SLC45A4: variants seen among roughly 807,000 people sequenced by gnomAD.
SLC45A4 encodes polyamine-transporter SLC45A4.
A neutral mutation model predicts 63.7 loss-of-function variants in SLC45A4; 32 were observed. The ratio of observed to expected loss-of-function variants is 0.50; its 90% CI spans 0.38 to 0.67. SLC45A4 has a LOEUF of 0.67. SLC45A4 is among the 30% of genes least tolerant of loss of function. The pLI is 0.00. For synonymous variants in SLC45A4, 535 were observed against 510.0 expected (o/e 1.05, Z -0.66); for missense variants, 1,027 against 1,157.7 (o/e 0.89, Z 1.64).
At chr8:141,286,721 T>G (rs1830159139) in intron 1 of SLC45A4, among the ~76,000 whole-genome samples, 1 of 150,682 alleles carries the variant, frequency 6.6e-6, no homozygotes, top group Non-Finnish European at 1.5e-5. Flanking sequence ...TGTTCGCTTA[T>G]CAGCAGCAGC....
chr8:141,273,729 G>A (rs1052868007), intron 1 of SLC45A4, among the ~76,000 whole-genome samples: 2 of 151,932 alleles, frequency 1.3e-5, no homozygotes, highest in African/African-American at 2.4e-5. Flanking sequence ...AAATCAAAGC[G>A]GTTTCCAGGT....
intron 1 of SLC45A4, among the ~76,000 whole-genome samples, chr8:141,291,709 A>C (rs1392086837): frequency 6.6e-6 from 1 of 152,214 alleles, no homozygotes; most frequent in Non-Finnish European, 1.5e-5. Context: ...TCAGGCGAGC[A>C]GTGGTGTCTG....
chr8:141,219,909 G>T, intron 3 of SLC45A4, 80 bp from the exon 4 acceptor site: 1 of 1,364,996 alleles, frequency 7.3e-7, no homozygotes, highest in Non-Finnish European at 9.8e-7. Context: ...CCACATGGAA[G>T]GGGCATGCGG....
intron 1 of SLC45A4, among the ~76,000 whole-genome samples, chr8:141,288,987 G>T (rs1031541555): frequency 6.9e-6 from 1 of 144,254 alleles, no homozygotes; most frequent in African/African-American, 2.4e-5. Context: ...GGCGTGGGTG[G>T]GAAAAGAGGT....
chr8:141,220,638 C>CT (rs769211700), intron 3 of SLC45A4, among the ~76,000 whole-genome samples: 4 of 152,262 alleles, frequency 2.6e-5, no homozygotes, highest in African/African-American at 7.2e-5. Context: ...AACACAGACA[C>CT]ACCTGTCCGT....
At chr8:141,242,621 T>C (rs1308240116) in intron 2 of SLC45A4, among the ~76,000 whole-genome samples, 1 of 152,178 alleles carries the variant, frequency 6.6e-6, no homozygotes, top group Non-Finnish European at 1.5e-5. Flanking sequence ...GGTACATCGG[T>C]GAGTGCCCCA....
At position 141,218,575 on chromosome 8, in the gene SLC45A4, C is replaced by T. The variant is rs762943516; in HGVS notation, c.1065G>A (p.Lys355=). The T allele has an allele frequency of 8.1e-6, 13 of 1,613,542 alleles. No homozygotes were observed. The highest frequency in any genetic ancestry group is 1.1e-5 in the Non-Finnish European group (13 of 1,179,930). ...RSTSQELAKT[K]LPRLATFLKE... The stretch of plus-strand genomic sequence containing the variant: ...TGAGGAAGGTGGCCAGGCGGGGCAG[C>T]TTGGTCTTGGCGAGCTCCTGGCTGG... The change falls in exon 5 of 9, where the codon AAG becomes AAA. Residue 355 remains lysine (K), a synonymous_variant. Coordinates refer to ENST00000517878, the MANE Select transcript of SLC45A4 (RefSeq NM_001286646.2).
intron 2 of SLC45A4, among the ~76,000 whole-genome samples, chr8:141,240,027 C>G (rs973352011): frequency 6.6e-6 from 1 of 152,220 alleles, no homozygotes; most frequent in Non-Finnish European, 1.5e-5. Flanking sequence ...CCAGCTACAA[C>G]AAACCGTATC....
Position 141,207,217 on chromosome 8 carries a change from A to C in SLC45A4, c.*4355T>G, listed in dbSNP as rs1466562367. 6.6e-6 allele frequency: 1 copy of C among 152,488 alleles called. No homozygotes were observed. Among genetic ancestry groups the C allele is most frequent in the African/African-American group, 2.4e-5 (1 of 41,464 alleles). The allele number at this position is 152,488 out of a possible 1,614,324, so 9.4% of individuals were successfully genotyped here. On this transcript the variant is annotated 3_prime_UTR_variant, in exon 9 of 9. Coordinates refer to ENST00000517878, the MANE Select transcript of SLC45A4 (RefSeq NM_001286646.2). ...TGAGTCAGCCACAGAGGAACAGAGA[A>C]ACAGACACAAGGAGGTTCTGTGTGC...
In SLC45A4 at chr8:141,221,719, G is replaced by C; in HGVS notation, c.288C>G (p.Ile96Met). The C allele has an allele frequency of 6.2e-7, 1 of 1,614,074 alleles. No homozygotes were observed. The highest frequency in any genetic ancestry group is 1.7e-5 in the Admixed American group (1 of 60,030). ...TGAGAGGTGTGAAGATGAGGCCAAG[G>C]ATGGGGCTCAGGAACCAGGTGAGGC... is the stretch of plus-strand genomic sequence containing the variant. ...YYSLTWFLSP[I>M]LGLIFTPLIG... Residue 96 changes from isoleucine to methionine, a missense_variant, in exon 3 of 9, where the codon ATC becomes ATG. By Grantham distance (10) the Ile-to-Met change is conservative. Coordinates refer to ENST00000517878, the MANE Select transcript of SLC45A4 (RefSeq NM_001286646.2).
intron 1 of SLC45A4, among the ~76,000 whole-genome samples, chr8:141,272,625 G>A (rs1192897622): frequency 6.6e-6 from 1 of 152,064 alleles, no homozygotes. Flanking sequence ...GCCCAACCAC[G>A]GGGCCCTTGC....
chr8:141,289,139 C>T (rs748529291), intron 1 of SLC45A4, among the ~76,000 whole-genome samples: 3 of 152,084 alleles, frequency 2.0e-5, no homozygotes, highest in Non-Finnish European at 2.9e-5. Context: ...TCGGAGAAGG[C>T]GGTGCCAGGG....
At chr8:141,307,930 C>T (rs1477883361) in intron 1 of SLC45A4, among the ~76,000 whole-genome samples, 166 bp downstream of exon 1, 1 of 149,254 alleles carries the variant, frequency 6.7e-6, no homozygotes, top group African/African-American at 2.5e-5. Flanking sequence ...GGTGGGGGCA[C>T]GTCCCCTCCC....
chr8:141,219,116 G>C, intron 4 of SLC45A4, 87 bp from the exon 5 acceptor site: 1 of 1,476,416 alleles, frequency 6.8e-7, no homozygotes, highest in South Asian at 1.3e-5. Context: ...CTCTAACAGG[G>C]GGCCGGGGCT....
rs185887720 is a variant in SLC45A4 at position 141,245,736 on chromosome 8, G to A, written c.241+8253C>T. Among the ~76,000 whole-genome samples the A allele has an allele frequency of 4.0e-3, 608 of 152,294 alleles. 5 individuals carry two copies. The highest frequency in any genetic ancestry group is 0.014 in the African/African-American group (569 of 41,566). On this transcript the variant is annotated intron_variant, in intron 2 of 8. Coordinates refer to ENST00000517878, the MANE Select transcript of SLC45A4 (RefSeq NM_001286646.2). ...CCTTAGGCCCAGGAGTCAAGGGCAG[G>A]GGGAAGGGAGGGGCCTCCCAGGGGC...
At chr8:141,244,605 G>C (rs566810183) in intron 2 of SLC45A4, among the ~76,000 whole-genome samples, 4 of 152,328 alleles carry the variant, frequency 2.6e-5, no homozygotes, top group Non-Finnish European at 4.4e-5. Context: ...ACTGTGGAGT[G>C]CGTTGAGTGG....
intron 2 of SLC45A4, among the ~76,000 whole-genome samples, chr8:141,239,444 G>C (rs142742985): frequency 4.4e-4 from 67 of 152,306 alleles, no homozygotes; most frequent in Non-Finnish European, 7.5e-4. Flanking sequence ...CAAGGGAATT[G>C]CAACACAGCT....
chr8:141,306,087 C>G (rs1442931436), intron 1 of SLC45A4, among the ~76,000 whole-genome samples: 1 of 151,876 alleles, frequency 6.6e-6, no homozygotes, highest in African/African-American at 2.4e-5. Flanking sequence ...GGAGCTCACC[C>G]AGTCCAATCT....
chr8:141,270,930 G>A (rs1389693779), intron 1 of SLC45A4, among the ~76,000 whole-genome samples: 1 of 152,128 alleles, frequency 6.6e-6, no homozygotes. Context: ...TGACCCCAGG[G>A]GCAGGCAGAG....
Sources: gnomAD v4.1 joint callset for allele counts (sites outside exome capture counted in the v4.1 genomes callset) on GRCh38, gnomAD v4.1.1 for gene constraint, MANE v1.5 for transcripts, NCBI Gene and HGNC (gene_info 2026-07-23, HGNC 2026-07-21) for gene names.